The following CERT1 variants were observed in gnomAD, a reference collection of about 807,000 sequenced individuals.
The protein encoded by CERT1 is ceramide transporter 1, also known as ceramide transfer protein.
CERT1 carries 31 observed loss-of-function variants against 87.9 expected under a neutral mutation model. The ratio of observed to expected loss-of-function variants is 0.35; its 90% CI spans 0.27 to 0.48. CERT1 has a LOEUF of 0.48. Among genes scored for constraint, CERT1 ranks in the 20% least tolerant of loss-of-function variants. The probability of loss-of-function intolerance (pLI) is 0.99; values close to 1 mark genes in which losing one functional copy is unlikely to be tolerated. For synonymous variants in CERT1, 289 were observed against 250.9 expected (o/e 1.15, Z -1.44); for missense variants, 487 against 758.0 (o/e 0.64, Z 4.20).
chr5:75,392,025 G>A lies in CERT1; in HGVS notation c.1189-2338C>T, dbSNP rs184573742. ...TAGCTCTTTTGTCAAAAAGAATGCA[G>A]GTAGTTGTGTTTCTGTTTGGGAGAT... is the stretch of plus-strand genomic sequence containing the variant. On this transcript the variant is annotated intron_variant, in intron 11 of 16. Coordinates refer to ENST00000643780, the MANE Select transcript of CERT1 (RefSeq NM_001379029.1). 1.5e-4 allele frequency among the ~76,000 whole-genome samples: 23 copies of A among 152,280 alleles called. No individual in the cohort carries two copies. In the East Asian group the frequency reaches 4.4e-3, roughly 29 times the overall value.
At chr5:75,455,648 C>T (rs1344625841) in intron 3 of CERT1, among the ~76,000 whole-genome samples, 1 of 152,084 alleles carries the variant, frequency 6.6e-6, no homozygotes, top group African/African-American at 2.4e-5. Context: ...TGACAATCCA[C>T]GGGCGAAAAG....
chr5:75,459,413 T>C (rs1006212722), intron 2 of CERT1, among the ~76,000 whole-genome samples: 1 of 152,178 alleles, frequency 6.6e-6, no homozygotes, highest in Non-Finnish European at 1.5e-5. Context: ...GCTACAAACA[T>C]CTATTTCTAA....
chr5:75,473,121 C>T (rs1219557455), intron 2 of CERT1, among the ~76,000 whole-genome samples: 1 of 152,034 alleles, frequency 6.6e-6, no homozygotes, highest in African/African-American at 2.4e-5. Flanking sequence ...TGCTCTGTTG[C>T]CCAGGCTGGA....
At chr5:75,510,591 C>T (rs529705343) in intron 1 of CERT1, among the ~76,000 whole-genome samples, 30 of 152,154 alleles carry the variant, frequency 2.0e-4, no homozygotes, top group Non-Finnish European at 3.1e-4. Context: ...GGAGAAAGTC[C>T]TCCACATTCA....
At chr5:75,384,890 G>A (rs1018937411) in intron 13 of CERT1, among the ~76,000 whole-genome samples, 178 bp from the exon 14 acceptor site, 31 of 152,130 alleles carry the variant, frequency 2.0e-4, no homozygotes, top group African/African-American at 7.5e-4. Flanking sequence ...ACAGATTAGG[G>A]ATGTGAGGTC....
chr5:75,411,335 A>G (rs1038399365), intron 7 of CERT1, among the ~76,000 whole-genome samples: 1 of 151,900 alleles, frequency 6.6e-6, no homozygotes, highest in African/African-American at 2.4e-5. Flanking sequence ...ATTTTTTGAG[A>G]CGGAGTCTTG....
rs1561234146 is a variant in CERT1 at position 75,399,478 on chromosome 5, A to G, written c.1111-91T>C. 5 of 901,884 alleles carry G rather than the reference A, an allele frequency of 5.5e-6. No individual in the cohort carries two copies. In the East Asian group the frequency reaches 7.6e-5, roughly 14 times the overall value. The allele number at this position is 901,884 out of a possible 1,614,324, so 55.9% of individuals were successfully genotyped here. On this transcript the variant is annotated intron_variant, in intron 10 of 16. Coordinates refer to ENST00000643780, the MANE Select transcript of CERT1 (RefSeq NM_001379029.1). ...CAACTTCCAAACACAAGATAAAGGG[A>G]AGAGAAAACAAAGCACTATATGAAA...
At chr5:75,398,629 A>G (rs567823909) in intron 11 of CERT1, among the ~76,000 whole-genome samples, 24 of 152,306 alleles carry the variant, frequency 1.6e-4, no homozygotes, top group African/African-American at 5.8e-4. Flanking sequence ...ACTAACGCTG[A>G]CACTAAAAAA....
At chr5:75,409,688 G>A (rs905181743) in intron 8 of CERT1, among the ~76,000 whole-genome samples, 2 of 151,876 alleles carry the variant, frequency 1.3e-5, no homozygotes, top group Non-Finnish European at 2.9e-5. Flanking sequence ...AACCACGCCC[G>A]GCTAATTTTT....
At chr5:75,436,394 A>G (rs1288636250) in intron 3 of CERT1, among the ~76,000 whole-genome samples, 1 of 152,216 alleles carries the variant, frequency 6.6e-6, no homozygotes, top group African/African-American at 2.4e-5. Flanking sequence ...CAAAGGTATC[A>G]TGTTAGGTCC....
intron 2 of CERT1, among the ~76,000 whole-genome samples, chr5:75,499,885 T>C (rs1682292851): frequency 6.6e-6 from 1 of 152,186 alleles, no homozygotes; most frequent in South Asian, 2.1e-4. Flanking sequence ...CTCAAAATCA[T>C]ATTATATGTT....
intron 2 of CERT1, among the ~76,000 whole-genome samples, chr5:75,475,210 T>C (rs1246763298): frequency 1.3e-5 from 2 of 152,162 alleles, no homozygotes; most frequent in Admixed American, 1.3e-4. Context: ...TAATGATTTA[T>C]AGCAAGGAAC....
intron 1 of CERT1, among the ~76,000 whole-genome samples, chr5:75,507,724 C>CA (rs774851203): frequency 5.8e-4 from 89 of 152,138 alleles, no homozygotes; most frequent in Non-Finnish European, 1.0e-3. Flanking sequence ...TTTTATAACT[C>CA]ATGTGAAGAG....
intron 2 of CERT1, among the ~76,000 whole-genome samples, chr5:75,462,604 A>C (rs1200208131): frequency 2.6e-5 from 4 of 152,086 alleles, no homozygotes; most frequent in African/African-American, 9.7e-5. Flanking sequence ...AAGACTAAAA[A>C]GTTTAAAGAA....
chr5:75,443,924 T>TA (rs986571951), intron 3 of CERT1, among the ~76,000 whole-genome samples: 3 of 152,224 alleles, frequency 2.0e-5, no homozygotes, highest in Non-Finnish European at 4.4e-5. Context: ...TTCTCTAACT[T>TA]AAAGTCTATT....
intron 14 of CERT1, among the ~76,000 whole-genome samples, chr5:75,383,034 A>G (rs1455025423): frequency 6.6e-6 from 1 of 152,106 alleles, no homozygotes. Flanking sequence ...TTAAAGGGAA[A>G]AATATTGTAG....
chr5:75,429,806 A>T (rs1438578329), intron 3 of CERT1, among the ~76,000 whole-genome samples: 1 of 151,640 alleles, frequency 6.6e-6, no homozygotes, highest in Non-Finnish European at 1.5e-5. Context: ...AAAAGCTATC[A>T]GAAACTAGAT....
intron 5 of CERT1, 117 bp downstream of exon 5, chr5:75,425,244 T>A (rs1350259759): frequency 1.1e-6 from 1 of 945,788 alleles, no homozygotes; most frequent in African/African-American, 1.7e-5. Context: ...CACTGGGGGT[T>A]TGCAGCAAAA....
At chr5:75,444,477 A>G (rs1002454070) in intron 3 of CERT1, among the ~76,000 whole-genome samples, 1 of 151,582 alleles carries the variant, frequency 6.6e-6, no homozygotes, top group African/African-American at 2.4e-5. Context: ...GTGCCTTATT[A>G]GTATTTTTGT....
Sources: gnomAD v4.1 joint callset for allele counts (sites outside exome capture counted in the v4.1 genomes callset) on GRCh38, gnomAD v4.1.1 for gene constraint, MANE v1.5 for transcripts, NCBI Gene and HGNC (gene_info 2026-07-23, HGNC 2026-07-21) for gene names.